The following FBXO38 variants were observed in gnomAD, a reference collection of about 807,000 sequenced individuals.
FBXO38 encodes F-box protein 38, also known as F-box only protein 38.
Under a neutral mutation model 131.9 loss-of-function variants are expected in FBXO38, and 53 were observed. The observed-to-expected ratio is 0.40, with a 90% confidence interval of 0.32 to 0.51. FBXO38 has a LOEUF of 0.51. Among genes scored for constraint, FBXO38 ranks in the 20% least tolerant of loss-of-function variants. FBXO38 has a pLI of 0.53. For synonymous variants in FBXO38, 452 were observed against 505.6 expected, an observed-to-expected ratio of 0.89 and a Z score of 1.42; for missense variants, 1,076 against 1,475.6, an observed-to-expected ratio of 0.73 and a Z score of 4.44.
rs535350574 is a variant in FBXO38, at chr5:148,393,147, C to T, written c.-63-1567C>T. On this transcript the variant is annotated intron_variant, in intron 1 of 21. Transcript: ENST00000340253. ...TACCAGTCCACACACATTGATTTCT[C>T]TGGTTTCTCAGGCCGTACTGGTTAG... Among the ~76,000 whole-genome samples the T allele has an allele frequency of 8.0e-5, 12 of 150,090 alleles. 1 individual carries two copies. The South Asian group carries it at 2.3e-3, about 29-fold the overall frequency.
At chr5:148,434,379 A>C (rs1480678358) in intron 17 of FBXO38, 1 of 152,190 alleles carries the variant, frequency 6.6e-6, no homozygotes, top group Non-Finnish European at 1.5e-5. Context: ...AGTGTATCCT[A>C]TAATTGATCT....
chr5:148,439,953 G>A (rs1246661336), intron 19 of FBXO38, among the ~76,000 whole-genome samples, 161 bp downstream of exon 19: 2 of 152,068 alleles, frequency 1.3e-5, no homozygotes, highest in Non-Finnish European at 2.9e-5. Context: ...AGGGAAATGA[G>A]GACTTAAAAC....
chr5:148,413,830 A>G, intron 9 of FBXO38: 1 of 223,570 alleles, frequency 4.5e-6, no homozygotes, highest in Non-Finnish European at 8.7e-6. Flanking sequence ...CATGGTATGA[A>G]CCAGTATGAT....
Position 148,440,372 on chromosome 5 carries a change from C to G in FBXO38, c.3171-52C>G. 4 of 1,113,402 alleles carry G rather than the reference C, an allele frequency of 3.6e-6. No homozygotes were observed. In the South Asian group the frequency reaches 5.1e-5, roughly 14 times the overall value. 69.0% of individuals were successfully genotyped at this position (1,113,402 alleles called of 1,614,324 possible). A position where few individuals can be genotyped will look rare whatever the true frequency, so the allele number is the denominator to read the frequency against. ...TTTGATGGTTCCTTCCTACCCGACACTAATTATTTCCAGTTTTGTAATTTT... is the reference window on the plus strand; with the variant it reads ...TTTGATGGTTCCTTCCTACCCGACAGTAATTATTTCCAGTTTTGTAATTTT... On this transcript the variant is annotated intron_variant, in intron 19 of 21. Transcript: ENST00000340253.
chr5:148,391,628 G>A, intron 1 of FBXO38, among the ~76,000 whole-genome samples: 1 of 152,186 alleles, frequency 6.6e-6, no homozygotes, highest in Non-Finnish European at 1.5e-5. Context: ...GTAAGGATTG[G>A]AAGAAGATAA....
At chr5:148,399,196 T>TA (rs1222054125) in intron 3 of FBXO38, 64 bp downstream of exon 3, 3 of 1,571,662 alleles carry the variant, frequency 1.9e-6, no homozygotes, top group Non-Finnish European at 2.6e-6. Flanking sequence ...AATGGTTTCA[T>TA]AAAAAGTTAC....
chr5:148,423,786 T>C (rs1349381106), intron 12 of FBXO38: 2 of 335,598 alleles, frequency 6.0e-6, no homozygotes, highest in African/African-American at 2.1e-5. Flanking sequence ...CAAATGATCC[T>C]TTCCCATCTG....
chr5:148,442,001 C>G lies in FBXO38; in HGVS notation c.3421C>G (p.Leu1141Val). The change falls in exon 22 of 22, where the codon CTG becomes GTG. Residue 1141 changes from leucine (L) to valine (V), a missense_variant. Leu to Val is a conservative substitution (Grantham distance 32). Around this residue, in one of 8 missense-constraint regions of FBXO38, gnomAD observed 282 missense variants for 418.8 expected, o/e 0.67. Coordinates refer to ENST00000340253, the MANE Select transcript of FBXO38 (RefSeq NM_205836.3). ...TIYAPRRKGQLSADICMETIG... is the reference protein window; with the variant it reads ...TIYAPRRKGQVSADICMETIG... Reference sequence around the variant, plus strand: ...CTATGCTCCTAGAAGGAAAGGACAGCTGTCTGCAGACATCTGTATGGAAAC... The same window carrying G: ...CTATGCTCCTAGAAGGAAAGGACAGGTGTCTGCAGACATCTGTATGGAAAC... The G allele has an allele frequency of 6.2e-7, 1 of 1,613,774 alleles. No individual in the cohort carries two copies. Among genetic ancestry groups the G allele is most frequent in the Non-Finnish European group, 8.5e-7 (1 of 1,179,720 alleles).
chr5:148,423,845 A>G lies in FBXO38; in HGVS notation c.1619-153A>G, dbSNP rs1382200000. On this transcript the variant is annotated intron_variant, in intron 12 of 21. Coordinates refer to ENST00000340253, the MANE Select transcript of FBXO38 (RefSeq NM_205836.3). ...TTAAATACTTCTTAATATCTGCAGT[A>G]ACAAGCACAGTGTATGCAGTATATG... The G allele has an allele frequency of 5.2e-6, 3 of 575,176 alleles. No individual in the cohort carries two copies. In the African/African-American group the frequency reaches 5.6e-5, roughly 11 times the overall value. 35.6% of individuals were successfully genotyped at this position (575,176 alleles called of 1,614,324 possible). A position where few individuals can be genotyped will look rare whatever the true frequency, so the allele number is the denominator to read the frequency against.
At chr5:148,406,160 G>T in intron 6 of FBXO38, 97 bp from the exon 7 acceptor site, 1 of 1,201,164 alleles carries the variant, frequency 8.3e-7, no homozygotes, top group Non-Finnish European at 1.1e-6. Context: ...GTCATTTTAA[G>T]ACTTAGAGTT....
chr5:148,409,024 C>A, intron 7 of FBXO38, 100 bp from the exon 8 acceptor site: 4 of 629,734 alleles, frequency 6.4e-6, no homozygotes, highest in East Asian at 2.8e-5. Flanking sequence ...ACTTTTAAAT[C>A]AGTAATTATC....
At chr5:148,420,879 A>G (rs889662443) in intron 12 of FBXO38, among the ~76,000 whole-genome samples, 14 of 151,252 alleles carry the variant, frequency 9.3e-5, no homozygotes, top group East Asian at 2.0e-4. Flanking sequence ...GGCGGTCTCA[A>G]CTCCTGGGCT....
intron 2 of FBXO38, chr5:148,397,565 T>C (rs1758547156): frequency 6.6e-6 from 1 of 152,204 alleles, no homozygotes; most frequent in Non-Finnish European, 1.5e-5. Flanking sequence ...AATTAAGTTA[T>C]GGCTAGCAGT....
intron 9 of FBXO38, chr5:148,411,007 C>A (rs942222927): frequency 7.3e-6 from 3 of 412,196 alleles, no homozygotes; most frequent in African/African-American, 4.2e-5. Flanking sequence ...GAAAAAGAAC[C>A]TTATCTACAT....
Position 148,394,734 on chromosome 5 carries a change from CA to C in FBXO38, c.-39del. ...TTCAGGTACTTTGAACTCAAGTAAA[CA>C]AAAGGGAAGATTTTCTCGTTGATAC... is the stretch of plus-strand genomic sequence containing the variant. On this transcript the variant is annotated 5_prime_UTR_variant, in exon 2 of 22. Coordinates refer to ENST00000340253, the MANE Select transcript of FBXO38 (RefSeq NM_205836.3). 2 of 1,471,064 alleles carry C rather than the reference CA, an allele frequency of 1.4e-6. No individual in the cohort carries two copies. Among genetic ancestry groups the C allele is most frequent in the Non-Finnish European group, 1.8e-6 (2 of 1,109,434 alleles). 91.1% of individuals were successfully genotyped at this position (1,471,064 alleles called of 1,614,324 possible).
rs1315072548 is a variant in FBXO38, at chr5:148,417,073, A to G, written c.1487A>G (p.Asn496Ser). 1.2e-6 allele frequency: 2 copies of G among 1,613,684 alleles called. No individual in the cohort carries two copies. The highest frequency in any genetic ancestry group is 2.2e-5 in the East Asian group (1 of 44,860). ...SALVSNQNSN[N>S]DDNNAQNNNA... is the part of the protein sequence containing the mutation. ...CTTGTTAGCAACCAGAACTCCAACA[A>G]TGACGATAATAATGCCCAGAATAAC... Residue 496 changes from asparagine to serine, a missense_variant, in exon 12 of 22, where the codon AAT becomes AGT. Asn to Ser is a conservative substitution (Grantham distance 46, BLOSUM62 1). This residue lies in a region of FBXO38 where 212 missense variants were observed against 221.2 expected (regional missense o/e 0.96). Coordinates refer to ENST00000340253, the MANE Select transcript of FBXO38 (RefSeq NM_205836.3).
chr5:148,415,273 A>G (rs1374682155), intron 10 of FBXO38: 1 of 152,228 alleles, frequency 6.6e-6, no homozygotes, highest in African/African-American at 2.4e-5. Flanking sequence ...AAAATGGCCT[A>G]TAATCCCATC....
At chr5:148,425,413 T>C in intron 13 of FBXO38, 109 bp from the exon 14 acceptor site, 1 of 815,258 alleles carries the variant, frequency 1.2e-6, no homozygotes, top group South Asian at 1.7e-5. Flanking sequence ...GGGGAGGCTG[T>C]ATAGAGCCAC....
rs766301076 is a variant in FBXO38, at chr5:148,409,140, G to A, written c.885G>A (p.Leu295=). The part of the protein sequence containing the change: ...DSWRSGGFRN[L]HTIVLGACKN... ...CGTCTTTAGGTGGTTTTAGAAATTT[G>A]CACACTATTGTTCTGGGAGCTTGCA... The change falls in exon 8 of 22, where the codon TTG becomes TTA. Residue 295 remains leucine, a synonymous_variant. Coordinates refer to ENST00000340253, the MANE Select transcript of FBXO38 (RefSeq NM_205836.3). The A allele has an allele frequency of 4.3e-6, 7 of 1,611,738 alleles. No homozygotes were observed. The highest frequency in any genetic ancestry group is 5.9e-6 in the Non-Finnish European group (7 of 1,177,998).
Sources: allele counts gnomAD v4.1 joint callset (sites outside exome capture counted in the v4.1 genomes callset), GRCh38; gene constraint gnomAD v4.1.1; regional missense constraint gnomAD v4.1.1; transcripts MANE v1.5; gene names NCBI Gene and HGNC (gene_info 2026-07-23, HGNC 2026-07-21).